CFAP70: variants seen among roughly 807,000 people sequenced by gnomAD.
CFAP70 encodes cilia and flagella associated protein 70, also known as cilia- and flagella-associated protein 70.
CFAP70 carries 81 observed loss-of-function variants against 137.6 expected under a neutral mutation model. The ratio of observed to expected loss-of-function variants is 0.59; its 90% CI spans 0.49 to 0.71. CFAP70 has a LOEUF of 0.71. Among genes scored for constraint, CFAP70 ranks in the 30% least tolerant of loss-of-function variants. The pLI is 0.00. For synonymous variants in CFAP70, 382 were observed against 423.6 expected, an observed-to-expected ratio of 0.90 and a Z score of 1.20; for missense variants, 976 against 1,226.7, an observed-to-expected ratio of 0.80 and a Z score of 3.05.
chr10:73,343,942 T>C (rs1415468153), intron 5 of CFAP70, among the ~76,000 whole-genome samples: 1 of 151,714 alleles, frequency 6.6e-6, no homozygotes, highest in Non-Finnish European at 1.5e-5. Context: ...AAGAAAATAT[T>C]ATTTTTCTCT....
chr10:73,266,208 T>A (rs2045749471), intron 25 of CFAP70, among the ~76,000 whole-genome samples: 1 of 152,170 alleles, frequency 6.6e-6, no homozygotes, highest in East Asian at 1.9e-4. Context: ...ATCCACTTCT[T>A]TGCGTTAATC....
chr10:73,270,262 G>A (rs2046139593), intron 24 of CFAP70, among the ~76,000 whole-genome samples: 1 of 151,964 alleles, frequency 6.6e-6, no homozygotes. Context: ...GAAACTCTAG[G>A]GTGCACTCTG....
At chr10:73,267,856 TC>T (rs1220951337) in intron 25 of CFAP70, among the ~76,000 whole-genome samples, 1 of 152,192 alleles carries the variant, frequency 6.6e-6, no homozygotes, top group Non-Finnish European at 1.5e-5. Context: ...TCCTATAAGG[TC>T]CCTGTTTCCT....
intron 8 of CFAP70, among the ~76,000 whole-genome samples, chr10:73,325,212 C>A (rs2051285659): frequency 6.6e-6 from 1 of 152,154 alleles, no homozygotes; most frequent in Non-Finnish European, 1.5e-5. Context: ...ATTTTCAACA[C>A]AGAATTTCAT....
At chr10:73,299,935 G>A (rs1030658186) in intron 12 of CFAP70, among the ~76,000 whole-genome samples, 1 of 152,102 alleles carries the variant, frequency 6.6e-6, no homozygotes, top group Admixed American at 6.5e-5. Context: ...TTGAGCCCTG[G>A]CTTTACCCTT....
At chr10:73,296,438 T>C (rs2048552980) in intron 15 of CFAP70, 1 of 152,218 alleles carries the variant, frequency 6.6e-6, no homozygotes, top group Non-Finnish European at 1.5e-5. Flanking sequence ...ATAAAGAATT[T>C]GAGGAGGCAC....
At chr10:73,302,418 T>C (rs2049016424) in intron 12 of CFAP70, among the ~76,000 whole-genome samples, 1 of 152,178 alleles carries the variant, frequency 6.6e-6, no homozygotes, top group Admixed American at 6.5e-5. Flanking sequence ...CCACTGGATT[T>C]AACAGTGTGG....
At chr10:73,259,211 C>A (rs184495542) in intron 25 of CFAP70, among the ~76,000 whole-genome samples, 4 of 152,200 alleles carry the variant, frequency 2.6e-5, no homozygotes, top group Admixed American at 2.6e-4. Flanking sequence ...TTTCTCAGAC[C>A]TGCTGACACT....
rs1171069801 is a variant in CFAP70, at chr10:73,290,028, G to C, written c.2239+1198C>G. On this transcript the variant is annotated intron_variant, in intron 19 of 26. Coordinates refer to ENST00000310715, the Ensembl canonical transcript of CFAP70. ...CCACTGCACTCCAGCCTGGGTGACA[G>C]AGCAAGACTCCATCTCAAAAAAAAA... Among the ~76,000 whole-genome samples, 4 of 131,430 alleles carry C rather than the reference G, an allele frequency of 3.0e-5. No homozygotes were observed. The East Asian group carries it at 8.7e-4, about 29-fold the overall frequency. 86.2% of individuals were successfully genotyped at this position (131,430 alleles called of 152,430 possible).
At chr10:73,354,597 A>T in intron 2 of CFAP70, 137 bp downstream of exon 2, 4 of 705,970 alleles carry the variant, frequency 5.7e-6, no homozygotes, top group South Asian at 3.1e-5. Flanking sequence ...TAAGACTAAC[A>T]ATAAGGAACA....
In CFAP70 at chr10:73,354,843, C is replaced by T. The variant is rs778430564; in HGVS notation, c.-39-8G>A. ...CTCTGTTTTCTTTGGTCTCTGTAAA[C>T]AGAATGAATCAACCTGTCCCCTCAT... On this transcript the variant is annotated splice_polypyrimidine_tract_variant and splice_region_variant and intron_variant, in intron 1 of 26. Transcript: ENST00000310715. 3.3e-6 allele frequency: 5 copies of T among 1,536,374 alleles called. No homozygotes were observed. Among genetic ancestry groups the T allele is most frequent in the Non-Finnish European group, 4.5e-6 (5 of 1,110,884 alleles).
intron 6 of CFAP70, among the ~76,000 whole-genome samples, chr10:73,338,523 C>A (rs1269337094): frequency 6.6e-6 from 1 of 151,380 alleles, no homozygotes; most frequent in South Asian, 2.1e-4. Flanking sequence ...CTCCACCTCC[C>A]AGGTTCAAGT....
intron 3 of CFAP70, among the ~76,000 whole-genome samples, chr10:73,351,315 T>C (rs1471533606): frequency 1.3e-5 from 2 of 151,734 alleles, no homozygotes; most frequent in African/African-American, 4.8e-5. Context: ...AGACGGGGTT[T>C]CACCGTGTTA....
chr10:73,256,902 CAAA>C (rs55805225), intron 25 of CFAP70, among the ~76,000 whole-genome samples: 1 of 58,318 alleles, frequency 1.7e-5, no homozygotes, highest in Non-Finnish European at 3.8e-5. Flanking sequence ...GACTCCATCT[CAAA>C]AAAAAAAAAA....
At chr10:73,271,416 G>A (rs1209324234) in intron 24 of CFAP70, among the ~76,000 whole-genome samples, 3 of 152,264 alleles carry the variant, frequency 2.0e-5, no homozygotes, top group East Asian at 1.9e-4. Context: ...GGAGGCTGAG[G>A]CAGGAGAATC....
At chr10:73,296,852 G>A in intron 15 of CFAP70, 190 bp downstream of exon 16, 3 of 439,080 alleles carry the variant, frequency 6.8e-6, no homozygotes, top group Non-Finnish European at 1.1e-5. Context: ...ATATCTCCTT[G>A]TTTTTTTCCA....
chr10:73,327,744 T>A (rs2051618246), intron 8 of CFAP70, among the ~76,000 whole-genome samples: 5 of 152,020 alleles, frequency 3.3e-5, no homozygotes, highest in African/African-American at 7.2e-5. Flanking sequence ...CACAATTGCT[T>A]CAAAGAGAAT....
At chr10:73,278,191 G>A in exon 20 of CFAP70, 1 of 1,613,266 alleles carries the variant, frequency 6.2e-7, no homozygotes, top group Non-Finnish European at 8.5e-7. Flanking sequence ...TTCTTTGTTG[G>A]TATCTCCTTG....
exon 27 of CFAP70, chr10:73,253,971 G>A: frequency 6.2e-7 from 1 of 1,600,874 alleles, no homozygotes; most frequent in Non-Finnish European, 8.5e-7. Flanking sequence ...CAGCTGGAGG[G>A]GTATCAGAAA....
Sources: gnomAD v4.1 joint callset for allele counts (sites outside exome capture counted in the v4.1 genomes callset) on GRCh38, gnomAD v4.1.1 for gene constraint, MANE v1.5 for transcripts, NCBI Gene and HGNC (gene_info 2026-07-23, HGNC 2026-07-21) for gene names.